The following WNT1 variants were observed in gnomAD, a reference collection of about 807,000 sequenced individuals.
The protein encoded by WNT1 is Wnt family member 1.
A neutral mutation model predicts 21.3 loss-of-function variants in WNT1; 10 were observed. The observed-to-expected ratio is 0.47, with a 90% CI of 0.29 to 0.80. The LOEUF (loss-of-function observed/expected upper bound fraction) is 0.80, where lower values mean the gene tolerates loss of function less well. Ranked by LOEUF, WNT1 falls within the 30% of genes least tolerant of loss-of-function variation. WNT1 has a pLI of 0.09. For synonymous variants in WNT1, 208 were observed against 236.3 expected (o/e 0.88, Z 1.10); for missense variants, 476 against 534.1 (o/e 0.89, Z 1.07).
rs1447794903 is a variant in WNT1, at chr12:48,981,895, C to A, written c.*255C>A. ...CCTCCCTCCCTCTCCGCGGGAGACC[C>A]CTTGTTGCACTGCCCCCTGCTTGGC... is the stretch of plus-strand genomic sequence containing the variant. On this transcript the variant is annotated 3_prime_UTR_variant, in exon 4 of 4. Transcript: ENST00000293549. This position sits in a 1 kb window ranked among gnomAD's most constrained non-coding sequence, Gnocchi z 7.4. 6.6e-6 allele frequency among the ~76,000 whole-genome samples: 1 copy of A among 152,170 alleles called. No individual in the cohort carries two copies. Among genetic ancestry groups the A allele is most frequent in the East Asian group, 1.9e-4 (1 of 5,184 alleles).
In WNT1 at chr12:48,980,730, G is replaced by C. The variant is rs1278447266; in HGVS notation, c.624+41G>C. 6.7e-7 allele frequency: 1 copy of C among 1,498,344 alleles called. No individual in the cohort carries two copies. The highest frequency in any genetic ancestry group is 8.9e-7 in the Non-Finnish European group (1 of 1,125,372). The allele number at this position is 1,498,344 out of a possible 1,614,324, so 92.8% of individuals were successfully genotyped here. A position where few individuals can be genotyped will look rare whatever the true frequency, so the allele number is the denominator to read the frequency against. ...CTCCGCACCCTAAGCGGAGCGGCAG[G>C]GGCCAACCTCGGGCTGGGGAAGTGA... On this transcript the variant is annotated intron_variant, in intron 3 of 3. Coordinates refer to ENST00000293549, the MANE Select transcript of WNT1 (RefSeq NM_005430.4). The surrounding 1 kb of genome is among the most constrained non-coding windows in gnomAD (Gnocchi z 7.0).
In WNT1 at chr12:48,980,565, G is replaced by A; in HGVS notation, c.500G>A (p.Trp167Ter). 6.2e-7 allele frequency: 1 copy of A among 1,610,184 alleles called. No homozygotes were observed. Among genetic ancestry groups the A allele is most frequent in the Non-Finnish European group, 8.5e-7 (1 of 1,178,362 alleles). ...RRGPGGPDWH[W>*]GGCSDNIDFG... ...GGCCCCGGGGGCCCCGACTGGCACT[G>A]GGGGGGCTGCAGCGACAACATTGAC... is the stretch of plus-strand genomic sequence containing the variant. Residue 167 changes from tryptophan to a stop codon, truncating the protein, a stop_gained, in exon 3 of 4, where the codon TGG becomes TAG. Transcript: ENST00000293549. LOFTEE classifies it high-confidence loss of function. This position sits in a 1 kb window ranked among gnomAD's most constrained non-coding sequence, Gnocchi z 7.0.
rs909260691 is a variant in WNT1 at position 48,981,881 on chromosome 12, C to T, written c.*241C>T. 6.6e-6 allele frequency among the ~76,000 whole-genome samples: 1 copy of T among 152,196 alleles called. No homozygotes were observed. The highest frequency in any genetic ancestry group is 1.5e-5 in the Non-Finnish European group (1 of 68,028). ...CTGCCCCGGACCTACCTCCCTCCCT[C>T]TCCGCGGGAGACCCCTTGTTGCACT... On this transcript the variant is annotated 3_prime_UTR_variant, in exon 4 of 4. Transcript: ENST00000293549. The surrounding 1 kb of genome is among the most constrained non-coding windows in gnomAD (Gnocchi z 7.4).
Position 48,978,881 on chromosome 12 carries a change from G to A in WNT1, c.104+127G>A. On this transcript the variant is annotated intron_variant, in intron 1 of 3. Coordinates refer to ENST00000293549, the MANE Select transcript of WNT1 (RefSeq NM_005430.4). This position sits in a 1 kb window ranked among gnomAD's most constrained non-coding sequence, Gnocchi z 7.4. ...CCTCCCCGCTCTGACTTCCCTCCGC[G>A]ACACCGAAGGGCGATCTGGCATGAA... 1 of 658,696 alleles carries A rather than the reference G, an allele frequency of 1.5e-6. No homozygotes were observed. Among genetic ancestry groups the A allele is most frequent in the South Asian group, 2.0e-5 (1 of 51,220 alleles). The allele number at this position is 658,696 out of a possible 1,614,324, so 40.8% of individuals were successfully genotyped here. A position where few individuals can be genotyped will look rare whatever the true frequency, so the allele number is the denominator to read the frequency against.
In WNT1 at chr12:48,978,825, C is replaced by A; in HGVS notation, c.104+71C>A. 9.2e-7 allele frequency: 1 copy of A among 1,084,710 alleles called. No individual in the cohort carries two copies. 67.2% of individuals were successfully genotyped at this position (1,084,710 alleles called of 1,614,324 possible). ...CCAGGGGCCAACCCTACCCAGCTCC[C>A]ACGCTCTGGGATCCGTCTGCCGACA... On this transcript the variant is annotated intron_variant, in intron 1 of 3. Coordinates refer to ENST00000293549, the MANE Select transcript of WNT1 (RefSeq NM_005430.4). This position sits in a 1 kb window ranked among gnomAD's most constrained non-coding sequence, Gnocchi z 7.4.
In WNT1 at chr12:48,982,288, C is replaced by T. The variant is rs1467264747; in HGVS notation, c.*648C>T. On this transcript the variant is annotated 3_prime_UTR_variant, in exon 4 of 4. Transcript: ENST00000293549. ...CATGCCTCCCTGGGCCACCTCCTAC[C>T]CCTTCCTGTCCTGCCTCCTCATCAG... Among the ~76,000 whole-genome samples, 1 of 152,132 alleles carries T rather than the reference C, an allele frequency of 6.6e-6. No individual in the cohort carries two copies. Among genetic ancestry groups the T allele is most frequent in the Non-Finnish European group, 1.5e-5 (1 of 68,038 alleles).
chr12:48,981,226 G>A lies in WNT1; in HGVS notation c.699G>A (p.Trp233Ter). ...MSGSCTVRTC[W>*]MRLPTLRAVG... is the part of the protein sequence containing the mutation. ...GCTCATGCACGGTGCGCACGTGCTG[G>A]ATGCGGCTGCCCACGCTGCGCGCCG... is the stretch of plus-strand genomic sequence containing the variant. The change falls in exon 4 of 4, where the codon TGG becomes TGA. Residue 233 changes from tryptophan to a stop codon, truncating the protein, a stop_gained. Transcript: ENST00000293549. LOFTEE classifies it low-confidence loss of function (END_TRUNC). This position sits in a 1 kb window ranked among gnomAD's most constrained non-coding sequence, Gnocchi z 7.4. The A allele has an allele frequency of 1.2e-6, 2 of 1,611,218 alleles. No individual in the cohort carries two copies. The highest frequency in any genetic ancestry group is 1.7e-6 in the Non-Finnish European group (2 of 1,179,002).
chr12:48,980,601 T>C lies in WNT1; in HGVS notation c.536T>C (p.Leu179Pro). The change falls in exon 3 of 4, where the codon CTC becomes CCC. Residue 179 changes from leucine to proline, a missense_variant. Coordinates refer to ENST00000293549, the MANE Select transcript of WNT1 (RefSeq NM_005430.4). The surrounding 1 kb of genome is among the most constrained non-coding windows in gnomAD (Gnocchi z 7.0). ...GCSDNIDFGR[L>P]FGREFVDSGE... The stretch of plus-strand genomic sequence containing the variant: ...AGCGACAACATTGACTTCGGCCGCC[T>C]CTTCGGCCGGGAGTTCGTGGACTCC... 2.5e-6 allele frequency: 4 copies of C among 1,604,932 alleles called. No individual in the cohort carries two copies. In the South Asian group the frequency reaches 4.4e-5, roughly 18 times the overall value.
In WNT1 at chr12:48,979,629, C is replaced by T. The variant is rs1048999636; in HGVS notation, c.266C>T (p.Ala89Val). ...LHSVSGGLQS[A>V]VRECKWQFRN... is the part of the protein sequence containing the mutation. ...AGCGTGAGTGGGGGGCTGCAGAGTGCCGTGCGCGAGTGCAAGTGGCAGTTC... is the reference window on the plus strand; with the variant it reads ...AGCGTGAGTGGGGGGCTGCAGAGTGTCGTGCGCGAGTGCAAGTGGCAGTTC... The change falls in exon 2 of 4, where the codon GCC becomes GTC. Residue 89 changes from alanine to valine, a missense_variant. Coordinates refer to ENST00000293549, the MANE Select transcript of WNT1 (RefSeq NM_005430.4). This position sits in a 1 kb window ranked among gnomAD's most constrained non-coding sequence, Gnocchi z 6.0. The T allele has an allele frequency of 6.2e-7, 1 of 1,613,922 alleles. No homozygotes were observed. The highest frequency in any genetic ancestry group is 8.5e-7 in the Non-Finnish European group (1 of 1,179,942).
Position 48,980,790 on chromosome 12 carries a change from G to A in WNT1, c.624+101G>A. 1.4e-6 allele frequency: 2 copies of A among 1,444,430 alleles called. No homozygotes were observed. Among genetic ancestry groups the A allele is most frequent in the Non-Finnish European group, 1.8e-6 (2 of 1,096,868 alleles). The allele number at this position is 1,444,430 out of a possible 1,614,324, so 89.5% of individuals were successfully genotyped here. A position where few individuals can be genotyped will look rare whatever the true frequency, so the allele number is the denominator to read the frequency against. ...AGATAAGGCAAGGGGCACCAGGAGA[G>A]GGCGTCCTGGGAGAGCCGGAGGCTT... On this transcript the variant is annotated intron_variant, in intron 3 of 3. Coordinates refer to ENST00000293549, the MANE Select transcript of WNT1 (RefSeq NM_005430.4). The surrounding 1 kb of genome is among the most constrained non-coding windows in gnomAD (Gnocchi z 7.0).
In WNT1 at chr12:48,981,079, G is replaced by A. The variant is rs1941006113; in HGVS notation, c.625-73G>A. Reference sequence around the variant, plus strand: ...TGAGGTCCGGCCCCCGTGGCGTCCGGGAGAGGGCAGTGTCTGGGAGGGTGA... The same window carrying A: ...TGAGGTCCGGCCCCCGTGGCGTCCGAGAGAGGGCAGTGTCTGGGAGGGTGA... On this transcript the variant is annotated intron_variant, in intron 3 of 3. Coordinates refer to ENST00000293549, the MANE Select transcript of WNT1 (RefSeq NM_005430.4). This position sits in a 1 kb window ranked among gnomAD's most constrained non-coding sequence, Gnocchi z 7.4. The A allele has an allele frequency of 2.6e-6, 4 of 1,566,724 alleles. No individual in the cohort carries two copies. In the South Asian group the frequency reaches 3.6e-5, roughly 14 times the overall value.
In WNT1 at chr12:48,981,376, G is replaced by T. The variant is rs1941011807; in HGVS notation, c.849G>T (p.Pro283=). The T allele has an allele frequency of 1.3e-6, 2 of 1,574,274 alleles. No individual in the cohort carries two copies. Among genetic ancestry groups the T allele is most frequent in the Non-Finnish European group, 1.7e-6 (2 of 1,159,708 alleles). The change falls in exon 4 of 4, where the codon CCG becomes CCT. Residue 283 remains proline, a synonymous_variant. Coordinates refer to ENST00000293549, the MANE Select transcript of WNT1 (RefSeq NM_005430.4). This position sits in a 1 kb window ranked among gnomAD's most constrained non-coding sequence, Gnocchi z 7.4. ...AGCCGGAAGACCCGGCCCACAAACC[G>T]CCCTCCCCCCACGACCTCGTCTACT... ...RLEPEDPAHK[P]PSPHDLVYFE...
rs577153576 is a variant in WNT1, at chr12:48,981,268, C to A, written c.741C>A (p.Arg247=). 6.0e-5 allele frequency: 97 copies of A among 1,604,312 alleles called. No individual in the cohort carries two copies. In the South Asian group the frequency reaches 9.5e-4, roughly 16 times the overall value. Residue 247 remains arginine (R), a synonymous_variant, in exon 4 of 4, where the codon CGC becomes CGA. Coordinates refer to ENST00000293549, the MANE Select transcript of WNT1 (RefSeq NM_005430.4). This position sits in a 1 kb window ranked among gnomAD's most constrained non-coding sequence, Gnocchi z 7.4. ...TGCGCGCCGTGGGCGATGTGCTGCG[C>A]GACCGCTTCGACGGCGCCTCGCGCG... The part of the protein sequence containing the change: ...PTLRAVGDVL[R]DRFDGASRVL...
rs137998844 is a variant in WNT1, at chr12:48,981,783, A to G, written c.*143A>G. The G allele has an allele frequency of 1.4e-3, 1,674 of 1,181,028 alleles. 12 individuals are homozygous for G. The African/African-American group carries it at 0.024, about 17-fold the overall frequency. 73.2% of individuals were successfully genotyped at this position (1,181,028 alleles called of 1,614,324 possible). ...GGTTCATACGCATCCCATCTCTCCCACTTCCTCCTACCTGGGGACTCCTCA... is the reference window on the plus strand; with the variant it reads ...GGTTCATACGCATCCCATCTCTCCCGCTTCCTCCTACCTGGGGACTCCTCA... On this transcript the variant is annotated 3_prime_UTR_variant, in exon 4 of 4. Coordinates refer to ENST00000293549, the MANE Select transcript of WNT1 (RefSeq NM_005430.4). This position sits in a 1 kb window ranked among gnomAD's most constrained non-coding sequence, Gnocchi z 7.4.
rs778947109 is a variant in WNT1, at chr12:48,981,113, C to T, written c.625-39C>T. 3.7e-6 allele frequency: 6 copies of T among 1,603,004 alleles called. No individual in the cohort carries two copies. The Admixed American group carries it at 8.4e-5, about 23-fold the overall frequency. ...AGTGTCTGGGAGGGTGACTCTGGCC[C>T]GGTGCCCTGGGACACTCTTTCTTCC... On this transcript the variant is annotated intron_variant, in intron 3 of 3. Transcript: ENST00000293549. The surrounding 1 kb of genome is among the most constrained non-coding windows in gnomAD (Gnocchi z 7.4).
rs1356915708 is a variant in WNT1 at position 48,979,042 on chromosome 12, T to A, written c.104+288T>A. 6.6e-6 allele frequency among the ~76,000 whole-genome samples: 1 copy of A among 152,188 alleles called. No homozygotes were observed. Among genetic ancestry groups the A allele is most frequent in the Non-Finnish European group, 1.5e-5 (1 of 68,028 alleles). Reference sequence around the variant, plus strand: ...AGCGCCAACTCCAGCCTCACGGCGGTGGCTCACCACAGGTTTCCCCACCTC... The same window carrying A: ...AGCGCCAACTCCAGCCTCACGGCGGAGGCTCACCACAGGTTTCCCCACCTC... On this transcript the variant is annotated intron_variant, in intron 1 of 3. Coordinates refer to ENST00000293549, the MANE Select transcript of WNT1 (RefSeq NM_005430.4). This position sits in a 1 kb window ranked among gnomAD's most constrained non-coding sequence, Gnocchi z 6.0.
In WNT1 at chr12:48,982,038, G is replaced by A. The variant is rs1941023321; in HGVS notation, c.*398G>A. 6.6e-6 allele frequency among the ~76,000 whole-genome samples: 1 copy of A among 152,128 alleles called. No individual in the cohort carries two copies. The highest frequency in any genetic ancestry group is 2.1e-4 in the South Asian group (1 of 4,826). On this transcript the variant is annotated 3_prime_UTR_variant, in exon 4 of 4. Transcript: ENST00000293549. ...CCTCTCTTCTTCCCCTTTGTCCTGC[G>A]TTTTCTCCGGGTCCTCCTAAGTCCC...
rs778258773 is a variant in WNT1, at chr12:48,981,377, C to T, written c.850C>T (p.Pro284Ser). ...LEPEDPAHKP[P>S]SPHDLVYFEK... The stretch of plus-strand genomic sequence containing the variant: ...GCCGGAAGACCCGGCCCACAAACCG[C>T]CCTCCCCCCACGACCTCGTCTACTT... Residue 284 changes from proline to serine, a missense_variant, in exon 4 of 4, where the codon CCC becomes TCC. Physicochemically the swap from Pro to Ser is moderately conservative, Grantham distance 74. Transcript: ENST00000293549. The surrounding 1 kb of genome is among the most constrained non-coding windows in gnomAD (Gnocchi z 7.4). The T allele has an allele frequency of 6.3e-6, 10 of 1,574,910 alleles. No individual in the cohort carries two copies. The South Asian group carries it at 9.2e-5, about 15-fold the overall frequency.
In WNT1 at chr12:48,979,873, G is replaced by T; in HGVS notation, c.358+152G>T. On this transcript the variant is annotated intron_variant, in intron 2 of 3. Coordinates refer to ENST00000293549, the MANE Select transcript of WNT1 (RefSeq NM_005430.4). The surrounding 1 kb of genome is among the most constrained non-coding windows in gnomAD (Gnocchi z 6.0). ...GTGCCTCGTGCCCAGCGCCAGCTCG[G>T]GGCCAGACTTCTACCAGGCGTTTTC... The T allele has an allele frequency of 8.3e-7, 1 of 1,203,182 alleles. No homozygotes were observed. The highest frequency in any genetic ancestry group is 1.1e-6 in the Non-Finnish European group (1 of 893,662). The allele number at this position is 1,203,182 out of a possible 1,614,324, so 74.5% of individuals were successfully genotyped here.
Sources: allele counts gnomAD v4.1 joint callset (sites outside exome capture counted in the v4.1 genomes callset), GRCh38; gene constraint gnomAD v4.1.1; non-coding constraint Gnocchi (gnomAD v3.1); transcripts MANE v1.5; gene names NCBI Gene and HGNC (gene_info 2026-07-23, HGNC 2026-07-21).